BLTP1: variants seen among roughly 807,000 people sequenced by gnomAD.
BLTP1 encodes bridge-like lipid transfer protein family member 1.
At chr4:122,237,313 A>G in the BLTP1 span, 1 of 985,252 alleles carries the variant, frequency 1.0e-6, no homozygotes, top group African/African-American at 1.7e-5. Context: ...TTTATATAAC[A>G]CATCACAGAG....
At chr4:122,348,825 GAAGT>G in the BLTP1 span, 2 of 730,204 alleles carry the variant, frequency 2.7e-6, no homozygotes, top group Non-Finnish European at 4.3e-6. Flanking sequence ...ATTTGAAAAA[GAAGT>G]AGATAAACGA....
the BLTP1 span, among the ~76,000 whole-genome samples, chr4:122,166,389 T>A: frequency 1.3e-5 from 2 of 152,208 alleles, no homozygotes; most frequent in Non-Finnish European, 2.9e-5. Flanking sequence ...GTTGTAGATA[T>A]GCGGCACTAT....
At chr4:122,205,389 T>G in the BLTP1 span, among the ~76,000 whole-genome samples, 1 of 151,812 alleles carries the variant, frequency 6.6e-6, no homozygotes, top group Admixed American at 6.6e-5. Context: ...ACTGATAACA[T>G]TTAAGTCACT....
the BLTP1 span, chr4:122,224,468 A>G: frequency 2.6e-5 from 42 of 1,590,412 alleles, no homozygotes; most frequent in Non-Finnish European, 3.2e-5. Flanking sequence ...TTTCTTATAC[A>G]TTTTACAGTC....
chr4:122,263,443 A>G, the BLTP1 span: 1 of 1,589,534 alleles, frequency 6.3e-7, no homozygotes, highest in South Asian at 1.2e-5. Context: ...TATTTTCAGG[A>G]AATACAGTAG....
the BLTP1 span, chr4:122,195,598 C>T: frequency 5.0e-6 from 1 of 200,758 alleles, no homozygotes; most frequent in Non-Finnish European, 8.9e-6. Flanking sequence ...GAAGCTACAG[C>T]ATGAAGTGCT....
At chr4:122,197,340 T>C in the BLTP1 span, 3 of 1,190,100 alleles carry the variant, frequency 2.5e-6, 1 homozygote, top group South Asian at 5.8e-5. Flanking sequence ...ATAAAGTTTG[T>C]TAATCATCTT....
chr4:122,196,851 A>T, the BLTP1 span: 1 of 952,342 alleles, frequency 1.1e-6, no homozygotes, highest in Non-Finnish European at 1.5e-6. Flanking sequence ...TATTTTTCAG[A>T]GTTTTTTCCT....
chr4:122,207,257 A>G, the BLTP1 span: 2 of 1,604,656 alleles, frequency 1.2e-6, no homozygotes, highest in Admixed American at 1.7e-5. Context: ...ACTAAACAAC[A>G]GGAAAATGGT....
chr4:122,172,206 T>A, the BLTP1 span: 1 of 481,512 alleles, frequency 2.1e-6, no homozygotes, highest in Non-Finnish European at 2.7e-6. Context: ...TTATCCATAA[T>A]ACATAATTGT....
At chr4:122,354,613 A>G in the BLTP1 span, among the ~76,000 whole-genome samples, 1 of 151,518 alleles carries the variant, frequency 6.6e-6, no homozygotes, top group Non-Finnish European at 1.5e-5. Context: ...AGCTGACTAG[A>G]TTGACAGGTG....
At chr4:122,226,621 C>T in the BLTP1 span, 38 of 1,573,910 alleles carry the variant, frequency 2.4e-5, no homozygotes, top group South Asian at 1.1e-4. Flanking sequence ...TTTCAAGCTA[C>T]GTTAACATTC....
the BLTP1 span, among the ~76,000 whole-genome samples, chr4:122,167,487 T>A: frequency 2.6e-5 from 4 of 152,132 alleles, no homozygotes; most frequent in Non-Finnish European, 4.4e-5. Context: ...GAGTAGATGC[T>A]CTTTTCTCTC....
At chr4:122,162,540 A>G in the BLTP1 span, 2 of 985,312 alleles carry the variant, frequency 2.0e-6, no homozygotes, top group African/African-American at 3.5e-5. Flanking sequence ...TGAGTTAATC[A>G]AATCTTGCTG....
chr4:122,254,930 G>A, the BLTP1 span: 2 of 1,611,680 alleles, frequency 1.2e-6, no homozygotes, highest in Non-Finnish European at 1.7e-6. Context: ...GCTGTTATGG[G>A]ATGCATAATG....
chr4:122,226,886 AAATGGAAT>A, the BLTP1 span: 1 of 1,415,646 alleles, frequency 7.1e-7, no homozygotes, highest in Admixed American at 2.3e-5. Context: ...GAATTTTAAA[AAATGGAAT>A]ATTGAGATAT....
chr4:122,258,851 A>T, the BLTP1 span: 1 of 1,577,688 alleles, frequency 6.3e-7, no homozygotes, highest in Non-Finnish European at 8.7e-7. Flanking sequence ...AAGGTATATT[A>T]TTGCTCTTTT....
the BLTP1 span, chr4:122,310,901 T>C: frequency 2.2e-6 from 2 of 928,168 alleles, no homozygotes; most frequent in Admixed American, 6.2e-5. Context: ...TACTCATGCC[T>C]ATTATCCAAA....
At chr4:122,182,960 A>G in the BLTP1 span, 3 of 983,258 alleles carry the variant, frequency 3.1e-6, no homozygotes, top group African/African-American at 5.2e-5. Flanking sequence ...TTGACTTCAT[A>G]CGTGTATTCT....
Sources: allele counts gnomAD v4.1 joint callset (sites outside exome capture counted in the v4.1 genomes callset), GRCh38; gene constraint gnomAD v4.1.1; transcripts MANE v1.5; gene names NCBI Gene and HGNC (gene_info 2026-07-23, HGNC 2026-07-21).